The following FUT8 variants were observed in gnomAD, a reference collection of about 807,000 sequenced individuals.
FUT8 encodes the protein fucosyltransferase 8, also known as alpha-(1,6)-fucosyltransferase.
Under a neutral mutation model 71.3 loss-of-function variants are expected in FUT8, and 29 were observed. That is an observed-to-expected ratio of 0.41 (90% CI 0.30 to 0.55). The LOEUF is 0.55. FUT8 is among the 20% of genes least tolerant of loss of function. The pLI, the probability that FUT8 is intolerant of heterozygous loss-of-function variation, is 0.34. For missense variants in FUT8, 544 were observed against 702.1 expected (o/e 0.77, Z 2.55); for synonymous variants, 254 against 239.3 (o/e 1.06, Z -0.57).
the FUT8 span, among the ~76,000 whole-genome samples, chr14:65,402,196 A>ATTTTTTTTTTTTTTTTTT: frequency 1.3e-5 from 1 of 75,832 alleles, no homozygotes; most frequent in African/African-American, 5.1e-5. Context: ...ATGGAGTGTG[A>ATTTTTTTTTTTTTTTTTT]TTTTTTTTTT....
rs398025445 is a variant in FUT8 at position 65,474,441 on chromosome 14, G to GA, written c.-228+18739dup. 2.6e-3 allele frequency among the ~76,000 whole-genome samples: 102 copies of GA among 39,666 alleles called. 18 individuals carry two copies. The East Asian group carries it at 0.055, about 21-fold the overall frequency. The allele number at this position is 39,666 out of a possible 152,430, so 26.0% of individuals were successfully genotyped here. A position where few individuals can be genotyped will look rare whatever the true frequency, so the allele number is the denominator to read the frequency against. On this transcript the variant is annotated intron_variant, in intron 2 of 10. Coordinates refer to ENST00000673929, the MANE Select transcript of FUT8 (RefSeq NM_001371533.1). ...AACATGGTGAAAACCTGTCTCTACT[G>GA]AAAAAAAAAAAAAAAAGCCAGGCGT...
At chr14:65,701,572 C>T (rs971872448) in intron 7 of FUT8, among the ~76,000 whole-genome samples, 4 of 152,140 alleles carry the variant, frequency 2.6e-5, no homozygotes, top group African/African-American at 4.8e-5. Flanking sequence ...CTAAAATGCA[C>T]CCTAAATGTG....
the FUT8 span, among the ~76,000 whole-genome samples, chr14:65,389,965 AC>A: frequency 6.7e-6 from 1 of 150,368 alleles, no homozygotes; most frequent in African/African-American, 2.4e-5. Flanking sequence ...ACATGGTGAA[AC>A]CCCGTCTCTA....
intron 2 of FUT8, among the ~76,000 whole-genome samples, chr14:65,465,962 A>G (rs924181066): frequency 2.4e-4 from 37 of 152,188 alleles, no homozygotes; most frequent in Non-Finnish European, 4.6e-4. Flanking sequence ...AGTTAGGTAC[A>G]TACATATAAA....
At position 65,629,600 on chromosome 14, in the gene FUT8, T is replaced by C. The variant is rs1401291254; in HGVS notation, c.591T>C (p.Tyr197=). ...AACTGGTTCAGCGGAGAATAACATATCTTCAGGTAAGAAGGTTGGGTTAAG... is the reference window on the plus strand; with the variant it reads ...AACTGGTTCAGCGGAGAATAACATACCTTCAGGTAAGAAGGTTGGGTTAAG... The part of the protein sequence containing the change: ...LTELVQRRIT[Y]LQNPKDCSKA... The change falls in exon 6 of 11, where the codon TAT becomes TAC. Residue 197 remains tyrosine (Y), a synonymous_variant. Transcript: ENST00000673929. 4 of 1,607,388 alleles carry C rather than the reference T, an allele frequency of 2.5e-6. No homozygotes were observed. The highest frequency in any genetic ancestry group is 2.2e-5 in the East Asian group (1 of 44,848).
At chr14:65,549,662 T>C (rs1191298955) in intron 2 of FUT8, among the ~76,000 whole-genome samples, 1 of 152,226 alleles carries the variant, frequency 6.6e-6, no homozygotes, top group Non-Finnish European at 1.5e-5. Flanking sequence ...GCCTAACTAA[T>C]GATGATGGAT....
intron 3 of FUT8, among the ~76,000 whole-genome samples, chr14:65,594,002 T>C (rs1566840568): frequency 1.3e-5 from 2 of 152,216 alleles, no homozygotes; most frequent in African/African-American, 2.4e-5. Flanking sequence ...GAGCCACTGC[T>C]CCCGGCCTAA....
At chr14:65,667,349 A>G (rs1468999827) in intron 6 of FUT8, among the ~76,000 whole-genome samples, 2 of 152,192 alleles carry the variant, frequency 1.3e-5, no homozygotes, top group Non-Finnish European at 2.9e-5. Flanking sequence ...ATCAGTGTAC[A>G]AAAATCAGTA....
At chr14:65,620,501 T>C (rs1177403783) in intron 5 of FUT8, among the ~76,000 whole-genome samples, 1 of 152,238 alleles carries the variant, frequency 6.6e-6, no homozygotes, top group Non-Finnish European at 1.5e-5. Context: ...GAAAGATTGA[T>C]AGAATAGCTT....
intron 7 of FUT8, 48 bp from the exon 8 acceptor site, chr14:65,721,727 G>A (rs767398385): frequency 1.9e-6 from 3 of 1,587,972 alleles, no homozygotes; most frequent in Non-Finnish European, 2.6e-6. Flanking sequence ...AATGGTGGAT[G>A]TATAAGGAAT....
In FUT8 at chr14:65,607,269, T is replaced by A. The variant is rs186543077; in HGVS notation, c.204-8709T>A. Among the ~76,000 whole-genome samples the A allele has an allele frequency of 1.8e-4, 28 of 152,042 alleles. 1 individual carries two copies. The highest frequency in any genetic ancestry group is 7.2e-4 in the Admixed American group (11 of 15,238). Reference sequence around the variant, plus strand: ...AGATGGCAGGCCTGTCTTCTATTGTTCTTAGATTTAAAAGGAATGCTACTG... The same window carrying A: ...AGATGGCAGGCCTGTCTTCTATTGTACTTAGATTTAAAAGGAATGCTACTG... On this transcript the variant is annotated intron_variant, in intron 3 of 10. Coordinates refer to ENST00000673929, the MANE Select transcript of FUT8 (RefSeq NM_001371533.1). This position sits in a 1 kb window ranked among gnomAD's most constrained non-coding sequence, Gnocchi z 4.1.
intron 3 of FUT8, among the ~76,000 whole-genome samples, chr14:65,587,777 A>G (rs1195808852): frequency 1.3e-5 from 2 of 152,202 alleles, no homozygotes; most frequent in Non-Finnish European, 2.9e-5. Flanking sequence ...AGGCAAATGC[A>G]TCCATGTATT....
At chr14:65,569,463 T>C (rs980743022) in intron 3 of FUT8, among the ~76,000 whole-genome samples, 2 of 151,802 alleles carry the variant, frequency 1.3e-5, no homozygotes, top group Non-Finnish European at 2.9e-5. Context: ...CCAACTTATT[T>C]CACCTGTCTT....
In FUT8 at chr14:65,648,595, G is replaced by A. The variant is rs994426394; in HGVS notation, c.597+18989G>A. On this transcript the variant is annotated intron_variant, in intron 6 of 10. Coordinates refer to ENST00000673929, the MANE Select transcript of FUT8 (RefSeq NM_001371533.1). The stretch of plus-strand genomic sequence containing the variant: ...AGTGATCTTCTTAAAATGTAGTCAT[G>A]TTACCGATGATAAAGCTGTCAAATG... Among the ~76,000 whole-genome samples the A allele has an allele frequency of 1.1e-4, 17 of 152,290 alleles. No homozygotes were observed. In the South Asian group the frequency reaches 1.7e-3, roughly 15 times the overall value.
intron 7 of FUT8, among the ~76,000 whole-genome samples, chr14:65,688,273 C>G (rs1392480291): frequency 1.3e-5 from 2 of 152,106 alleles, no homozygotes; most frequent in Non-Finnish European, 2.9e-5. Flanking sequence ...CCCCTTAACC[C>G]CTGGCAAACT....
intron 2 of FUT8, among the ~76,000 whole-genome samples, chr14:65,537,404 T>G (rs1425391813): frequency 2.6e-5 from 4 of 152,046 alleles, no homozygotes; most frequent in Non-Finnish European, 5.9e-5. Context: ...TACATATTTT[T>G]TTTGACGGAA....
intron 1 of FUT8, among the ~76,000 whole-genome samples, chr14:65,440,607 T>C (rs182796485): frequency 6.6e-6 from 1 of 152,190 alleles, no homozygotes; most frequent in East Asian, 1.9e-4. Context: ...CATCCAGTTG[T>C]ACACAATACA....
intron 2 of FUT8, among the ~76,000 whole-genome samples, chr14:65,549,881 GAAAACC>G (rs1885190971): frequency 6.6e-6 from 1 of 152,104 alleles, no homozygotes; most frequent in African/African-American, 2.4e-5. Flanking sequence ...TTTACACAGT[GAAAACC>G]TGTCTCTACT....
rs1035676359 is a variant in FUT8 at position 65,467,543 on chromosome 14, C to T, written c.-228+11825C>T. On this transcript the variant is annotated intron_variant, in intron 2 of 10. Transcript: ENST00000673929. The surrounding 1 kb of genome is among the most constrained non-coding windows in gnomAD (Gnocchi z 4.1). ...CCGGGCTGGAGTGCAGTGGTGTGAT[C>T]TTGGCTCACTGCAACCTCCACCTCC... Among the ~76,000 whole-genome samples, 14 of 152,118 alleles carry T rather than the reference C, an allele frequency of 9.2e-5. No individual in the cohort carries two copies. The highest frequency in any genetic ancestry group is 2.7e-4 in the African/African-American group (11 of 41,418).
Sources: gnomAD v4.1 joint callset for allele counts (sites outside exome capture counted in the v4.1 genomes callset) on GRCh38, gnomAD v4.1.1 for gene constraint, Gnocchi (gnomAD v3.1) non-coding constraint, MANE v1.5 for transcripts, NCBI Gene and HGNC (gene_info 2026-07-23, HGNC 2026-07-21) for gene names.